Variants in LYPD5 observed in about 807,000 individuals in gnomAD.
LYPD5 encodes ly6/PLAUR domain-containing protein 5.
A neutral mutation model predicts 19.1 loss-of-function variants in LYPD5; 21 were observed. The ratio of observed to expected loss-of-function variants is 1.10; its 90% CI spans 0.78 to 1.58. LYPD5 has a LOEUF of 1.58. Ranked by LOEUF, LYPD5 falls within the 40% of genes most tolerant of loss-of-function variation. LYPD5 has a pLI of 0.00. For missense variants in LYPD5, 287 were observed against 329.8 expected (o/e 0.87, Z 1.00); for synonymous variants, 128 against 142.7 (o/e 0.90, Z 0.74).
intron 1 of LYPD5, among the ~76,000 whole-genome samples, chr19:43,811,317 C>T (rs985753873): frequency 7.2e-5 from 11 of 151,880 alleles, no homozygotes; most frequent in Non-Finnish European, 1.6e-4. Flanking sequence ...AGTTGAGAAA[C>T]GTGACATCAT....
At chr19:43,817,077 C>T (rs774074143) in intron 1 of LYPD5, among the ~76,000 whole-genome samples, 5 of 152,152 alleles carry the variant, frequency 3.3e-5, no homozygotes, top group Non-Finnish European at 7.3e-5. Flanking sequence ...ATCAGTAACC[C>T]CAAAACTCAG....
chr19:43,804,942 T>A (rs1970258609), upstream of LYPD5, among the ~76,000 whole-genome samples: 1 of 152,214 alleles, frequency 6.6e-6, no homozygotes, highest in Non-Finnish European at 1.5e-5. Context: ...GTGAGTGCTG[T>A]GTGCACTTTT....
At chr19:43,800,100 C>G (rs1025739026) in intron 1 of LYPD5, 1 of 298,490 alleles carries the variant, frequency 3.4e-6, no homozygotes, top group African/African-American at 2.2e-5. Flanking sequence ...AGCCCTCTCC[C>G]TAGCTATGAC....
At position 43,796,793 on chromosome 19, in the gene LYPD5, C is replaced by T. The variant is rs1319751991; in HGVS notation, c.*798G>A. On this transcript the variant is annotated 3_prime_UTR_variant, in exon 5 of 5. Coordinates refer to ENST00000377950, the MANE Select transcript of LYPD5 (RefSeq NM_001031749.3). ...GACAAGTAGCCCATTTACACTGGGC[C>T]ACTGCTGTGTCCCAAGTACTAAATG... 1 of 152,186 alleles carries T rather than the reference C, an allele frequency of 6.6e-6. No homozygotes were observed. The highest frequency in any genetic ancestry group is 2.4e-5 in the African/African-American group (1 of 41,462). 9.4% of individuals were successfully genotyped at this position (152,186 alleles called of 1,614,324 possible). A position where few individuals can be genotyped will look rare whatever the true frequency, so the allele number is the denominator to read the frequency against.
chr19:43,810,144 C>T (rs1440480640), intron 1 of LYPD5, among the ~76,000 whole-genome samples: 9 of 152,162 alleles, frequency 5.9e-5, no homozygotes, highest in Admixed American at 5.9e-4. Flanking sequence ...TTGTGCAGTG[C>T]CCAACATGAA....
At chr19:43,819,555 C>T (rs928603347) in intron 1 of LYPD5, among the ~76,000 whole-genome samples, 2 of 152,042 alleles carry the variant, frequency 1.3e-5, no homozygotes. Context: ...GGTCAATAGG[C>T]ACAATTTTCA....
rs531563556 is a variant in LYPD5, at chr19:43,812,277, C to G, written c.-66+8263G>C. Among the ~76,000 whole-genome samples the G allele has an allele frequency of 3.9e-5, 6 of 152,158 alleles. No homozygotes were observed. The South Asian group carries it at 1.2e-3, about 32-fold the overall frequency. ...TCACCAGGGTATCCCAGAGTCAGTGCAGAAGGACACTAACAAAAGGTGTGG... is the reference window on the plus strand; with the variant it reads ...TCACCAGGGTATCCCAGAGTCAGTGGAGAAGGACACTAACAAAAGGTGTGG... On this transcript the variant is annotated intron_variant, in intron 1 of 4. Transcript: ENST00000414615.
chr19:43,813,546 C>A (rs749828171), intron 1 of LYPD5, among the ~76,000 whole-genome samples: 2 of 152,200 alleles, frequency 1.3e-5, no homozygotes, highest in Non-Finnish European at 2.9e-5. Flanking sequence ...TTCACCCTTG[C>A]CACCATGGCC....
intron 3 of LYPD5, 56 bp from the exon 4 acceptor site, chr19:43,798,657 G>A (rs1026318771): frequency 1.0e-5 from 16 of 1,605,952 alleles, no homozygotes; most frequent in Non-Finnish European, 1.4e-5. Context: ...ACAGTCGTGC[G>A]GGCTGCGCAC....
At chr19:43,799,166 C>T in intron 2 of LYPD5, 178 bp from the exon 3 acceptor site, 1 of 674,016 alleles carries the variant, frequency 1.5e-6, no homozygotes. Flanking sequence ...CTCCACTCTT[C>T]CTCCCTGTGC....
intron 1 of LYPD5, chr19:43,800,123 G>A: frequency 3.9e-6 from 1 of 259,040 alleles, no homozygotes; most frequent in Non-Finnish European, 7.5e-6. Context: ...AGAATAGGAA[G>A]GAAAAGTGAT....
rs2146493394 is a variant in LYPD5 at position 43,798,830 on chromosome 19, G to A, written c.352C>T (p.Leu118Phe). 2.5e-6 allele frequency: 4 copies of A among 1,610,382 alleles called. No homozygotes were observed. In the East Asian group the frequency reaches 8.9e-5, roughly 36 times the overall value. Reference sequence around the variant, plus strand: ...CGCGCACCTTGGCTCAGGTTGGGGAGGGCGTCATGAGTCATGAGGTGGGCG... The same window carrying A: ...CGCGCACCTTGGCTCAGGTTGGGGAAGGCGTCATGAGTCATGAGGTGGGCG... ...CNAHLMTHDA[L>F]PNLSQAPDPP... The change falls in exon 3 of 5, where the codon CTC (leucine) becomes TTC (phenylalanine). Residue 118 changes from leucine (L) to phenylalanine (F), a missense_variant. Coordinates refer to ENST00000377950, the MANE Select transcript of LYPD5 (RefSeq NM_001031749.3).
At chr19:43,818,008 C>T (rs747702870) in intron 1 of LYPD5, among the ~76,000 whole-genome samples, 17 of 152,262 alleles carry the variant, frequency 1.1e-4, no homozygotes, top group Middle Eastern at 3.4e-3. Context: ...ACTACTGCGC[C>T]CAGCCCATAA....
At position 43,796,379 on chromosome 19, in the gene LYPD5, TATGAAAGTGTCCTGCACTC is replaced by T. The variant is rs71749825; in HGVS notation, c.*1193_*1211del. On this transcript the variant is annotated 3_prime_UTR_variant, in exon 5 of 5. Transcript: ENST00000377950. ...CCCATCTCTATGAAGTTCATGCAGT[TATGAAAGTGTCCTGCACTC>T]ATGAAAGTGTCCTGCACTCCTTGTG... The T allele has an allele frequency of 0.45, 67,340 of 151,212 alleles. 15,511 individuals carry two copies. The highest frequency in any genetic ancestry group is 0.61 in the South Asian group (2,924 of 4,778). The allele number at this position is 151,212 out of a possible 1,614,324, so 9.4% of individuals were successfully genotyped here. A position where few individuals can be genotyped will look rare whatever the true frequency, so the allele number is the denominator to read the frequency against.
intron 1 of LYPD5, among the ~76,000 whole-genome samples, chr19:43,813,735 T>A (rs548738406): frequency 1.3e-5 from 2 of 152,354 alleles, no homozygotes; most frequent in East Asian, 3.9e-4. Flanking sequence ...TTGCCCAGGC[T>A]GGAGCGCAGT....
chr19:43,804,614 T>G (rs896591342), upstream of LYPD5, among the ~76,000 whole-genome samples: 1 of 152,210 alleles, frequency 6.6e-6, no homozygotes, highest in African/African-American at 2.4e-5. Context: ...CTCACCAAAC[T>G]ATGTCCTCCC....
chr19:43,819,616 A>C (rs1970403260), intron 1 of LYPD5, among the ~76,000 whole-genome samples: 1 of 152,130 alleles, frequency 6.6e-6, no homozygotes, highest in Non-Finnish European at 1.5e-5. Context: ...GTTGGAAAAA[A>C]GGAGAACGTG....
At chr19:43,816,844 T>G (rs145162565) in intron 1 of LYPD5, among the ~76,000 whole-genome samples, 17 of 144,370 alleles carry the variant, frequency 1.2e-4, no homozygotes, top group African/African-American at 5.0e-4. Context: ...GAATAAGTAT[T>G]ATCAGAGCTG....
intron 1 of LYPD5, among the ~76,000 whole-genome samples, chr19:43,811,738 G>GAAGA (rs1970325541): frequency 1.3e-5 from 1 of 77,858 alleles, no homozygotes; most frequent in African/African-American, 5.0e-5. Context: ...AGGGAGGGAG[G>GAAGA]AAGGAAGGAA....
Sources: gnomAD v4.1 joint callset for allele counts (sites outside exome capture counted in the v4.1 genomes callset) on GRCh38, gnomAD v4.1.1 for gene constraint, MANE v1.5 for transcripts, NCBI Gene and HGNC (gene_info 2026-07-23, HGNC 2026-07-21) for gene names.